The following DIS3L2 variants were observed in gnomAD, a reference collection of about 807,000 sequenced individuals.
DIS3L2 encodes the protein DIS3-like exonuclease 2.
In DIS3L2, 34 loss-of-function variants were observed where a neutral mutation model predicts 97.5. The ratio of observed to expected loss-of-function variants is 0.35; its 90% CI spans 0.27 to 0.46. The LOEUF (loss-of-function observed/expected upper bound fraction) is 0.46, where lower values mean the gene tolerates loss of function less well. Ranked by LOEUF, DIS3L2 falls within the 20% of genes least tolerant of loss-of-function variation. DIS3L2 has a pLI of 1.00. For missense variants in DIS3L2, 1,038 were observed against 1,146.0 expected, an observed-to-expected ratio of 0.91 and a Z score of 1.36; for synonymous variants, 435 against 445.2, an observed-to-expected ratio of 0.98 and a Z score of 0.29.
At chr2:232,043,138 G>T (rs1449442524) in intron 5 of DIS3L2, among the ~76,000 whole-genome samples, 1 of 152,182 alleles carries the variant, frequency 6.6e-6, no homozygotes, top group East Asian at 1.9e-4. Flanking sequence ...GAATGATGTG[G>T]TTTGTTTCTT....
At chr2:232,130,358 G>A (rs1356725614) in intron 6 of DIS3L2, among the ~76,000 whole-genome samples, 1 of 152,100 alleles carries the variant, frequency 6.6e-6, no homozygotes, top group East Asian at 1.9e-4. Context: ...AACATAGTTT[G>A]ATGCTCTCCA....
chr2:232,215,512 A>G (rs1692309195), intron 10 of DIS3L2, among the ~76,000 whole-genome samples: 2 of 152,222 alleles, frequency 1.3e-5, no homozygotes, highest in African/African-American at 4.8e-5. Context: ...GCCTGGTTGC[A>G]TGACATTTTT....
intron 5 of DIS3L2, among the ~76,000 whole-genome samples, chr2:232,083,321 C>G (rs1259862652): frequency 1.1e-4 from 16 of 142,446 alleles, no homozygotes; most frequent in African/African-American, 4.1e-4. Context: ...CAGAGAAAGA[C>G]CTTTCACTGT....
chr2:232,195,247 T>G (rs1224546847), intron 9 of DIS3L2, among the ~76,000 whole-genome samples: 2 of 152,234 alleles, frequency 1.3e-5, no homozygotes, highest in Non-Finnish European at 1.5e-5. Flanking sequence ...TGTTTTGTTT[T>G]GTTTTTGAGA....
At chr2:232,162,930 A>C (rs921763682) in intron 8 of DIS3L2, among the ~76,000 whole-genome samples, 6 of 152,280 alleles carry the variant, frequency 3.9e-5, no homozygotes, top group African/African-American at 1.4e-4. Context: ...TGACTGGTTT[A>C]TGGATAATTT....
intron 5 of DIS3L2, among the ~76,000 whole-genome samples, chr2:232,066,598 A>G (rs1158304909): frequency 6.6e-6 from 1 of 151,968 alleles, no homozygotes; most frequent in Non-Finnish European, 1.5e-5. Flanking sequence ...GAGTTGGGAA[A>G]TGTTTCCTCT....
chr2:232,124,875 T>C (rs184826122), intron 6 of DIS3L2, among the ~76,000 whole-genome samples: 27 of 152,368 alleles, frequency 1.8e-4, no homozygotes, highest in African/African-American at 5.5e-4. Context: ...TAACCTTTTC[T>C]CATTAAATAT....
At chr2:232,200,708 T>C (rs1199776803) in intron 9 of DIS3L2, among the ~76,000 whole-genome samples, 1 of 151,940 alleles carries the variant, frequency 6.6e-6, no homozygotes, top group African/African-American at 2.4e-5. Context: ...GCAAACATTT[T>C]ATAATTTACA....
intron 10 of DIS3L2, among the ~76,000 whole-genome samples, chr2:232,217,691 T>C (rs1692379007): frequency 6.6e-6 from 1 of 152,196 alleles, no homozygotes; most frequent in Non-Finnish European, 1.5e-5. Flanking sequence ...TAAAAGATAT[T>C]GCAAAGGATC....
chr2:232,210,723 A>G (rs186794521), intron 10 of DIS3L2, among the ~76,000 whole-genome samples: 60 of 152,210 alleles, frequency 3.9e-4, no homozygotes, highest in African/African-American at 1.3e-3. Flanking sequence ...GGTGTAAGGT[A>G]TCACAGAAAG....
intron 5 of DIS3L2, among the ~76,000 whole-genome samples, chr2:232,053,999 A>G (rs954490532): frequency 1.3e-5 from 2 of 152,170 alleles, no homozygotes; most frequent in African/African-American, 4.8e-5. Context: ...CCCATCCTCC[A>G]AGAGTCCCTC....
At position 232,014,995 on chromosome 2, in the gene DIS3L2, T is replaced by C. The variant is rs922102239; in HGVS notation, c.52+16T>C. 8.1e-6 allele frequency: 13 copies of C among 1,613,440 alleles called. No individual in the cohort carries two copies. The highest frequency in any genetic ancestry group is 6.7e-5 in the East Asian group (3 of 44,864). ...ACCCCCAGAGGTAGTAAAAGGAAAA[T>C]GGAGTCTGCCTGAATAACTGGAGAA... is the stretch of plus-strand genomic sequence containing the variant. On this transcript the variant is annotated intron_variant, in intron 2 of 20. Coordinates refer to ENST00000325385, the MANE Select transcript of DIS3L2 (RefSeq NM_152383.5).
chr2:232,252,247 A>G (rs1393910981), intron 12 of DIS3L2, among the ~76,000 whole-genome samples: 1 of 152,152 alleles, frequency 6.6e-6, no homozygotes, highest in Non-Finnish European at 1.5e-5. Flanking sequence ...ATCTCTACTA[A>G]AAGTACAAAA....
intron 6 of DIS3L2, among the ~76,000 whole-genome samples, chr2:232,098,713 T>A (rs1372564792): frequency 2.0e-5 from 3 of 152,144 alleles, no homozygotes. Context: ...TAATATCATT[T>A]GCCCATTTTT....
intron 9 of DIS3L2, among the ~76,000 whole-genome samples, 178 bp from the exon 10 acceptor site, chr2:232,210,148 C>A (rs1356271075): frequency 6.6e-6 from 1 of 152,192 alleles, no homozygotes; most frequent in Admixed American, 6.5e-5. Context: ...AAGTCACTCA[C>A]CCATTTGTCT....
chr2:232,139,538 C>T (rs1452048516), intron 8 of DIS3L2, among the ~76,000 whole-genome samples: 6 of 152,164 alleles, frequency 3.9e-5, no homozygotes, highest in East Asian at 1.9e-4. Flanking sequence ...CAATTTGCAG[C>T]GCTGTGGGAC....
At chr2:232,082,511 C>T (rs552868055) in intron 5 of DIS3L2, among the ~76,000 whole-genome samples, 1 of 152,292 alleles carries the variant, frequency 6.6e-6, no homozygotes, top group Non-Finnish European at 1.5e-5. Context: ...ATCTAGGTTG[C>T]ATGCTCCTTA....
At chr2:232,288,406 C>T (rs527684548) in intron 13 of DIS3L2, among the ~76,000 whole-genome samples, 1 of 152,292 alleles carries the variant, frequency 6.6e-6, no homozygotes, top group South Asian at 2.1e-4. Context: ...TGCTTTCTTC[C>T]AGCAAACCTA....
At position 232,268,321 on chromosome 2, in the gene DIS3L2, G is replaced by C. The variant is rs910432768; in HGVS notation, c.1659+4881G>C. Among the ~76,000 whole-genome samples, 2 of 152,224 alleles carry C rather than the reference G, an allele frequency of 1.3e-5. No homozygotes were observed. The highest frequency in any genetic ancestry group is 4.8e-5 in the African/African-American group (2 of 41,456). Reference sequence around the variant, plus strand: ...GCAGGCAGTTTCTTTGAGTGGACTTGATTGTAAAGATAGCCTTGTTAATGG... The same window carrying C: ...GCAGGCAGTTTCTTTGAGTGGACTTCATTGTAAAGATAGCCTTGTTAATGG... On this transcript the variant is annotated intron_variant, in intron 13 of 20. Transcript: ENST00000325385. This position sits in a 1 kb window ranked among gnomAD's most constrained non-coding sequence, Gnocchi z 4.1.
Sources: allele counts gnomAD v4.1 joint callset (sites outside exome capture counted in the v4.1 genomes callset), GRCh38; gene constraint gnomAD v4.1.1; non-coding constraint Gnocchi (gnomAD v3.1); transcripts MANE v1.5; gene names NCBI Gene and HGNC (gene_info 2026-07-23, HGNC 2026-07-21).